The following KCNH8 variants were observed in gnomAD, a reference collection of about 807,000 sequenced individuals.
KCNH8 encodes voltage-gated delayed rectifier potassium channel KCNH8.
KCNH8 carries 70 observed loss-of-function variants against 103.6 expected under a neutral mutation model. The ratio of observed to expected loss-of-function variants is 0.68; its 90% CI spans 0.56 to 0.82. The LOEUF (loss-of-function observed/expected upper bound fraction) is 0.82, where lower values mean the gene tolerates loss of function less well. KCNH8 is among the 40% of genes least tolerant of loss of function. The pLI is 0.00. For missense variants in KCNH8, 1,217 were observed against 1,329.9 expected (o/e 0.92, Z 1.32); for synonymous variants, 498 against 489.4 (o/e 1.02, Z -0.23).
chr3:19,256,085 CT>C, intron 2 of KCNH8, among the ~76,000 whole-genome samples: 1 of 152,096 alleles, frequency 6.6e-6, no homozygotes, highest in African/African-American at 2.4e-5. Context: ...GTCAGTAATT[CT>C]TGTGGTAGAA....
chr3:19,460,864 G>T (rs902500059), intron 11 of KCNH8, among the ~76,000 whole-genome samples: 1 of 152,082 alleles, frequency 6.6e-6, no homozygotes, highest in Non-Finnish European at 1.5e-5. Flanking sequence ...TTCATAAGGG[G>T]CTTCCCCTTT....
chr3:19,181,378 C>T (rs2063451392), intron 1 of KCNH8, among the ~76,000 whole-genome samples: 1 of 151,546 alleles, frequency 6.6e-6, no homozygotes, highest in Admixed American at 6.6e-5. Context: ...GGAGGAGGAA[C>T]AAAGATAGAT....
At chr3:19,438,766 C>G (rs1480375875) in intron 8 of KCNH8, among the ~76,000 whole-genome samples, 1 of 152,152 alleles carries the variant, frequency 6.6e-6, no homozygotes, top group Non-Finnish European at 1.5e-5. Context: ...CTGAATTTTC[C>G]TAGATCCTCC....
intron 5 of KCNH8, among the ~76,000 whole-genome samples, chr3:19,359,516 G>A (rs899991109): frequency 3.3e-5 from 5 of 151,908 alleles, no homozygotes; most frequent in African/African-American, 7.2e-5. Flanking sequence ...ATACAATATC[G>A]TTTAAGTAGA....
intron 3 of KCNH8, among the ~76,000 whole-genome samples, chr3:19,287,476 A>C (rs1198620100): frequency 6.6e-6 from 1 of 152,172 alleles, no homozygotes; most frequent in Admixed American, 6.5e-5. Context: ...AGGAGACACA[A>C]TTGTAGCACT....
chr3:19,255,003 T>C (rs868472113), intron 2 of KCNH8, among the ~76,000 whole-genome samples: 6 of 152,120 alleles, frequency 3.9e-5, no homozygotes, highest in African/African-American at 1.2e-4. Context: ...CCAATATGAT[T>C]GTATTTGGAG....
At chr3:19,290,420 C>T (rs1371982107) in intron 3 of KCNH8, among the ~76,000 whole-genome samples, 1 of 152,154 alleles carries the variant, frequency 6.6e-6, no homozygotes, top group African/African-American at 2.4e-5. Flanking sequence ...GATAACGTCC[C>T]ATCAATACCT....
At chr3:19,352,013 A>G (rs1025280118) in intron 5 of KCNH8, among the ~76,000 whole-genome samples, 1 of 152,154 alleles carries the variant, frequency 6.6e-6, no homozygotes, top group East Asian at 1.9e-4. Context: ...AGAGACACAC[A>G]TAGACTCAAA....
chr3:19,164,873 T>G (rs888450195), intron 1 of KCNH8, among the ~76,000 whole-genome samples: 10 of 152,302 alleles, frequency 6.6e-5, no homozygotes, highest in Middle Eastern at 3.4e-3. Flanking sequence ...GTTGGAGAAT[T>G]GAGAGCTCTG....
At chr3:19,435,040 CCACA>C (rs372666855) in intron 7 of KCNH8, among the ~76,000 whole-genome samples, 58 of 151,686 alleles carry the variant, frequency 3.8e-4, no homozygotes, top group African/African-American at 1.4e-3. Context: ...AATGTTCTCA[CCACA>C]CACACACACA....
chr3:19,321,494 G>T (rs528082272), intron 3 of KCNH8, among the ~76,000 whole-genome samples: 1 of 151,234 alleles, frequency 6.6e-6, no homozygotes, highest in African/African-American at 2.5e-5. Context: ...TGGTTTTGAG[G>T]GTTCCTATTG....
chr3:19,161,448 T>G (rs1367954998), intron 1 of KCNH8, among the ~76,000 whole-genome samples: 2 of 152,200 alleles, frequency 1.3e-5, no homozygotes, highest in East Asian at 3.8e-4. Context: ...TTTTCTTCTG[T>G]GTGTAGAAAA....
chr3:19,438,331 ATCT>A lies in KCNH8; in HGVS notation c.1349_1351del (p.Phe450del), dbSNP rs772831235. ...CTCTGCTAATACAGATGCAGAAAAG[ATCT>A]TCTCCATCTGCACCATGCTGATTGG... is the stretch of plus-strand genomic sequence containing the variant. On this transcript the variant is annotated inframe_deletion, in exon 8 of 16. Coordinates refer to ENST00000328405, the MANE Select transcript of KCNH8 (RefSeq NM_144633.3). 1.9e-6 allele frequency: 3 copies of A among 1,613,904 alleles called. No homozygotes were observed. Among genetic ancestry groups the A allele is most frequent in the East Asian group, 2.2e-5 (1 of 44,874 alleles).
chr3:19,464,785 A>G (rs2067702403), intron 11 of KCNH8, among the ~76,000 whole-genome samples: 1 of 152,074 alleles, frequency 6.6e-6, no homozygotes, highest in South Asian at 2.1e-4. Context: ...GCATATCCAA[A>G]TGGCCAACAG....
intron 5 of KCNH8, among the ~76,000 whole-genome samples, chr3:19,362,762 G>A (rs556875935): frequency 6.6e-6 from 1 of 152,212 alleles, no homozygotes; most frequent in South Asian, 2.1e-4. Context: ...CTCCCAGGGT[G>A]ATGCTCCTAC....
intron 1 of KCNH8, among the ~76,000 whole-genome samples, chr3:19,228,652 A>C (rs890949158): frequency 6.6e-6 from 1 of 152,166 alleles, no homozygotes; most frequent in Non-Finnish European, 1.5e-5. Flanking sequence ...CTATGTTGAC[A>C]AATAAAATGA....
chr3:19,514,774 G>T (rs2068845332), intron 13 of KCNH8, among the ~76,000 whole-genome samples: 1 of 151,756 alleles, frequency 6.6e-6, no homozygotes, highest in South Asian at 2.1e-4. Flanking sequence ...GATGCTAAGG[G>T]TTAAAACCTG....
At chr3:19,330,597 A>G (rs2065492283) in intron 3 of KCNH8, among the ~76,000 whole-genome samples, 1 of 152,230 alleles carries the variant, frequency 6.6e-6, no homozygotes, top group Non-Finnish European at 1.5e-5. Flanking sequence ...TGGGGGCATT[A>G]CAAACACAAG....
chr3:19,474,676 G>A (rs1245119038), intron 11 of KCNH8, among the ~76,000 whole-genome samples: 1 of 152,144 alleles, frequency 6.6e-6, no homozygotes, highest in Non-Finnish European at 1.5e-5. Context: ...TGATATGAAT[G>A]TATACAACAT....
Sources: allele counts gnomAD v4.1 joint callset (sites outside exome capture counted in the v4.1 genomes callset), GRCh38; gene constraint gnomAD v4.1.1; transcripts MANE v1.5; gene names NCBI Gene and HGNC (gene_info 2026-07-23, HGNC 2026-07-21).